Variants in MINDY4 observed in about 807,000 individuals in gnomAD.
The protein encoded by MINDY4 is probable ubiquitin carboxyl-terminal hydrolase MINDY-4.
MINDY4 carries 68 observed loss-of-function variants against 87.0 expected under a neutral mutation model. The observed-to-expected ratio is 0.78, with a 90% CI of 0.64 to 0.96. The LOEUF (loss-of-function observed/expected upper bound fraction) is 0.96. Ranked by LOEUF, MINDY4 falls within the 40% of genes least tolerant of loss-of-function variation. The pLI, the probability that MINDY4 is intolerant of heterozygous loss-of-function variation, is 0.00. For missense variants in MINDY4, 919 were observed against 928.2 expected, an observed-to-expected ratio of 0.99 and a Z score of 0.13; for synonymous variants, 379 against 363.2, an observed-to-expected ratio of 1.04 and a Z score of -0.50.
At chr7:30,842,054 A>G (rs533423721) in intron 9 of MINDY4, among the ~76,000 whole-genome samples, 11 of 152,150 alleles carry the variant, frequency 7.2e-5, no homozygotes, top group South Asian at 2.1e-4. Flanking sequence ...AGCACGGATG[A>G]TTTTTCCTTA....
At chr7:30,842,945 C>T (rs1232753449) in intron 9 of MINDY4, among the ~76,000 whole-genome samples, 1 of 152,196 alleles carries the variant, frequency 6.6e-6, no homozygotes, top group Non-Finnish European at 1.5e-5. Context: ...CTGGGACCTC[C>T]CCCATTAAGA....
intron 9 of MINDY4, among the ~76,000 whole-genome samples, chr7:30,848,165 C>T (rs1468312): frequency 0.15 from 22,088 of 152,116 alleles, 1,714 homozygotes; most frequent in Middle Eastern, 0.25. Context: ...GTTTTTCCAG[C>T]TTAGGTGTTC....
At chr7:30,820,669 T>C (rs1788300786) in intron 5 of MINDY4, among the ~76,000 whole-genome samples, 1 of 152,254 alleles carries the variant, frequency 6.6e-6, no homozygotes, top group Non-Finnish European at 1.5e-5. Context: ...CATGTATCCG[T>C]ACCTCATTCC....
At chr7:30,862,695 G>A (rs996681173) in intron 13 of MINDY4, among the ~76,000 whole-genome samples, 2 of 152,202 alleles carry the variant, frequency 1.3e-5, no homozygotes, top group African/African-American at 2.4e-5. Context: ...GGGAAGCCCA[G>A]TGAGGTGGCA....
At chr7:30,839,443 A>G (rs1169386901) in intron 8 of MINDY4, 127 bp downstream of exon 8, 5 of 578,346 alleles carry the variant, frequency 8.6e-6, no homozygotes, top group Admixed American at 3.0e-5. Context: ...CCAGCCCCAC[A>G]TGTGCTGAGT....
intron 5 of MINDY4, among the ~76,000 whole-genome samples, chr7:30,801,080 A>G (rs903624877): frequency 6.6e-6 from 1 of 152,080 alleles, no homozygotes; most frequent in African/African-American, 2.4e-5. Flanking sequence ...CCAGATCTGG[A>G]GTGAAAGCCA....
rs1260164484 is a variant in MINDY4 at position 30,857,558 on chromosome 7, C to T, written c.1678-1699C>T. Among the ~76,000 whole-genome samples the T allele has an allele frequency of 4.3e-5, 3 of 68,988 alleles. 1 individual carries two copies. The highest frequency in any genetic ancestry group is 2.1e-4 in the Admixed American group (2 of 9,452). The allele number at this position is 68,988 out of a possible 152,430, so 45.3% of individuals were successfully genotyped here. On this transcript the variant is annotated intron_variant, in intron 12 of 17. Coordinates refer to ENST00000265299, the MANE Select transcript of MINDY4 (RefSeq NM_032222.3). ...CGCGATCTCGGCTCACTGCAAGCTC[C>T]GCCTCCCGGGTTCACGCCATTCTCC... is the stretch of plus-strand genomic sequence containing the variant.
In MINDY4 at chr7:30,785,763, A is replaced by T. The variant is rs781329550; in HGVS notation, c.434A>T (p.Asp145Val). The change falls in exon 4 of 18, where the codon GAT becomes GTT. Residue 145 changes from aspartate to valine, a missense_variant. Coordinates refer to ENST00000265299, the MANE Select transcript of MINDY4 (RefSeq NM_032222.3). The stretch of plus-strand genomic sequence containing the variant: ...CTTTTTCACAGACATGACAATCTTG[A>T]TGGAGATGTACTTGGTAATTTTGTA... ...ETSKARHDNLDGDVLGNFVSS... is the reference protein window; with the variant it reads ...ETSKARHDNLVGDVLGNFVSS... The T allele has an allele frequency of 2.5e-6, 4 of 1,614,082 alleles. No homozygotes were observed. The African/African-American group carries it at 5.3e-5, about 22-fold the overall frequency.
Position 30,771,439 on chromosome 7 carries a change from T to G in MINDY4, c.-55T>G. Reference sequence around the variant, plus strand: ...GCCATACTGCGCCGGACAGACCCAGTTGCCTGGTGCTGCGGCCCGGCGTGG... The same window carrying G: ...GCCATACTGCGCCGGACAGACCCAGGTGCCTGGTGCTGCGGCCCGGCGTGG... On this transcript the variant is annotated 5_prime_UTR_variant, in exon 1 of 18. Coordinates refer to ENST00000265299, the MANE Select transcript of MINDY4 (RefSeq NM_032222.3). The G allele has an allele frequency of 6.4e-7, 1 of 1,565,276 alleles. No homozygotes were observed. Among genetic ancestry groups the G allele is most frequent in the Non-Finnish European group, 8.7e-7 (1 of 1,153,546 alleles).
chr7:30,789,252 C>G (rs1423217291), intron 4 of MINDY4, among the ~76,000 whole-genome samples: 1 of 152,120 alleles, frequency 6.6e-6, no homozygotes, highest in Non-Finnish European at 1.5e-5. Context: ...CCCTTTATAC[C>G]TGTGGTGTGA....
chr7:30,809,016 CAA>C (rs1787902088), intron 5 of MINDY4, among the ~76,000 whole-genome samples: 1 of 147,190 alleles, frequency 6.8e-6, no homozygotes, highest in East Asian at 2.0e-4. Flanking sequence ...GACAGAAAAT[CAA>C]AGAGAGAAAG....
At chr7:30,819,863 A>G (rs1788270001) in intron 5 of MINDY4, among the ~76,000 whole-genome samples, 1 of 136,028 alleles carries the variant, frequency 7.4e-6, no homozygotes, top group Admixed American at 7.1e-5. Context: ...AAGCTTTTGT[A>G]TCATGTGTCT....
chr7:30,791,611 A>G (rs777621925), intron 5 of MINDY4, 37 bp downstream of exon 5: 6 of 1,557,258 alleles, frequency 3.9e-6, no homozygotes, highest in Non-Finnish European at 5.2e-6. Context: ...CTTTTCAAAA[A>G]GAAGCTCCAC....
chr7:30,804,195 A>C (rs999944100), intron 5 of MINDY4, among the ~76,000 whole-genome samples: 1 of 152,228 alleles, frequency 6.6e-6, no homozygotes, highest in African/African-American at 2.4e-5. Context: ...ATGATCTGCC[A>C]GGGCAGCTTC....
chr7:30,881,145 A>G lies in MINDY4; in HGVS notation c.1972-1036A>G, dbSNP rs2128581359. Among the ~76,000 whole-genome samples the G allele has an allele frequency of 2.6e-5, 4 of 152,270 alleles. No homozygotes were observed. The South Asian group carries it at 8.3e-4, about 32-fold the overall frequency. ...AATCAGCCTGGCCCGTGGCACGTAC[A>G]TAGCTGGATAAACCAGGGCCCAGGG... On this transcript the variant is annotated intron_variant, in intron 15 of 17. Transcript: ENST00000265299.
Position 30,791,504 on chromosome 7 carries a change from A to G in MINDY4, c.1003A>G (p.Asn335Asp). The change falls in exon 5 of 18, where the codon AAT becomes GAT. Residue 335 changes from asparagine (N) to aspartate (D), a missense_variant. Physicochemically the swap from Asn to Asp is conservative, Grantham distance 23. Transcript: ENST00000265299. ...MPLKLYLPGG[N>D]SRMTQERLER... is the part of the protein sequence containing the mutation. Reference sequence around the variant, plus strand: ...CTTGAAGCTCTACTTGCCTGGTGGTAATTCCAGGATGACCCAGGAGAGGCT... The same window carrying G: ...CTTGAAGCTCTACTTGCCTGGTGGTGATTCCAGGATGACCCAGGAGAGGCT... 1 of 1,614,006 alleles carries G rather than the reference A, an allele frequency of 6.2e-7. No individual in the cohort carries two copies. Among genetic ancestry groups the G allele is most frequent in the Non-Finnish European group, 8.5e-7 (1 of 1,179,970 alleles).
At chr7:30,865,420 A>T (rs1321163436) in intron 13 of MINDY4, among the ~76,000 whole-genome samples, 1 of 152,250 alleles carries the variant, frequency 6.6e-6, no homozygotes, top group Non-Finnish European at 1.5e-5. Flanking sequence ...AGGTGGACCC[A>T]CGGGGGCATG....
At chr7:30,835,377 A>G (rs1357564201) in intron 6 of MINDY4, among the ~76,000 whole-genome samples, 1 of 152,218 alleles carries the variant, frequency 6.6e-6, no homozygotes, top group Admixed American at 6.5e-5. Flanking sequence ...ACCCACTCCC[A>G]TGATTCGGTT....
Position 30,771,443 on chromosome 7 carries a change from C to G in MINDY4, c.-51C>G, listed in dbSNP as rs1055629810. On this transcript the variant is annotated 5_prime_UTR_variant, in exon 1 of 18. Transcript: ENST00000265299. ...TACTGCGCCGGACAGACCCAGTTGC[C>G]TGGTGCTGCGGCCCGGCGTGGGCCT... 1.3e-5 allele frequency: 20 copies of G among 1,573,000 alleles called. No homozygotes were observed. The highest frequency in any genetic ancestry group is 4.7e-5 in the South Asian group (4 of 85,566).
Sources: gnomAD v4.1 joint callset for allele counts (sites outside exome capture counted in the v4.1 genomes callset) on GRCh38, gnomAD v4.1.1 for gene constraint, MANE v1.5 for transcripts, NCBI Gene and HGNC (gene_info 2026-07-23, HGNC 2026-07-21) for gene names.